Variants in PTPRT observed in about 807,000 individuals in gnomAD.
PTPRT encodes the protein receptor-type tyrosine-protein phosphatase T.
Under a neutral mutation model 176.8 loss-of-function variants are expected in PTPRT, and 56 were observed. The ratio of observed to expected loss-of-function variants is 0.32; its 90% CI spans 0.26 to 0.40. The LOEUF (loss-of-function observed/expected upper bound fraction) is 0.40. Among genes scored for constraint, PTPRT ranks in the 10% least tolerant of loss-of-function variants. The pLI is 1.00. For missense variants in PTPRT, 1,540 were observed against 1,908.2 expected, an observed-to-expected ratio of 0.81 and a Z score of 3.60; for synonymous variants, 783 against 739.0, an observed-to-expected ratio of 1.06 and a Z score of -0.96.
intron 1 of PTPRT, among the ~76,000 whole-genome samples, chr20:42,947,225 A>G (rs1450307328): frequency 6.6e-6 from 1 of 152,192 alleles, no homozygotes; most frequent in African/African-American, 2.4e-5. Context: ...AGAGATAAAG[A>G]AATTTGGAAT....
intron 9 of PTPRT, among the ~76,000 whole-genome samples, chr20:42,391,311 G>A (rs1052916211): frequency 2.0e-5 from 3 of 152,310 alleles, no homozygotes; most frequent in African/African-American, 7.2e-5. Flanking sequence ...AGAGGGGCAT[G>A]GCTTGATTCT....
rs956451753 is a variant in PTPRT, at chr20:42,085,730, G to A, written c.3970C>T (p.Arg1324Trp). ...AGCAATGGCGGCCGTGTACTTACCC[G>A]GGCCATGTTACAGATGCGGAATATT... is the stretch of plus-strand genomic sequence containing the variant. ...HRIFRICNMA[R>W]PQDGYRIVQH... Residue 1324 changes from arginine to tryptophan, a missense_variant and splice_region_variant, in exon 28 of 31, where the codon CGG becomes TGG. This residue lies in a region of PTPRT where 342 missense variants were observed against 394.0 expected (regional missense o/e 0.87). Transcript: ENST00000373187. 1 of 1,613,704 alleles carries A rather than the reference G, an allele frequency of 6.2e-7. No homozygotes were observed.
Position 42,499,625 on chromosome 20 carries a change from T to G in PTPRT, c.1154-27063A>C, listed in dbSNP as rs565150816. Among the ~76,000 whole-genome samples the G allele has an allele frequency of 2.1e-4, 32 of 152,232 alleles. No individual in the cohort carries two copies. The South Asian group carries it at 5.4e-3, about 26-fold the overall frequency. On this transcript the variant is annotated intron_variant, in intron 7 of 30. Coordinates refer to ENST00000373187, the MANE Select transcript of PTPRT (RefSeq NM_007050.6). ...TTTTAATAACAGATTTTAGAATATT[T>G]TATGGTAGCAAATGATAAAATAGAC...
chr20:42,146,076 C>A (rs1451733069), intron 17 of PTPRT, among the ~76,000 whole-genome samples: 1 of 152,192 alleles, frequency 6.6e-6, no homozygotes, highest in Non-Finnish European at 1.5e-5. Flanking sequence ...TAGGCCATCT[C>A]TAGGTGGAAG....
chr20:42,282,500 A>G lies in PTPRT; in HGVS notation c.2165T>C (p.Leu722Pro). The change falls in exon 13 of 31, where the codon CTG (leucine) becomes CCG (proline). Residue 722 changes from leucine (L) to proline (P), a missense_variant. This residue lies in a region of PTPRT where 255 missense variants were observed against 250.1 expected (regional missense o/e 1.02). Coordinates refer to ENST00000373187, the MANE Select transcript of PTPRT (RefSeq NM_007050.6). Reference protein sequence around the residue: ...NGETKINCVRLATKGASTQNS... With the variant: ...NGETKINCVRPATKGASTQNS... ...AGATGCCAACATACCTTTTGTAGCC[A>G]GACGAACACAGTTGATTTTGGTCTC... 2 of 1,611,110 alleles carry G rather than the reference A, an allele frequency of 1.2e-6. No individual in the cohort carries two copies. The highest frequency in any genetic ancestry group is 1.7e-6 in the Non-Finnish European group (2 of 1,178,280).
intron 1 of PTPRT, among the ~76,000 whole-genome samples, chr20:43,188,417 G>A (rs1318635872): frequency 6.6e-6 from 1 of 152,210 alleles, no homozygotes; most frequent in Admixed American, 6.5e-5. Context: ...AGGCTCTAAA[G>A]CATTTCCAAC....
chr20:42,186,946 C>T (rs1014698963), intron 16 of PTPRT, among the ~76,000 whole-genome samples: 3 of 152,106 alleles, frequency 2.0e-5, no homozygotes, highest in Non-Finnish European at 4.4e-5. Context: ...CAAGATTAAT[C>T]TATGTTACAT....
intron 15 of PTPRT, among the ~76,000 whole-genome samples, chr20:42,223,187 T>C (rs2055924998): frequency 1.3e-5 from 2 of 152,180 alleles, no homozygotes; most frequent in African/African-American, 2.4e-5. Context: ...CAGAGTAATA[T>C]AAAACATAAA....
At chr20:42,472,241 A>C in intron 8 of PTPRT, 25 bp downstream of exon 8, 1 of 1,606,002 alleles carries the variant, frequency 6.2e-7, no homozygotes, top group Non-Finnish European at 8.5e-7. Flanking sequence ...CCCCATTCCC[A>C]TGTAAGCTCT....
intron 19 of PTPRT, among the ~76,000 whole-genome samples, chr20:42,121,561 C>T (rs1412404199): frequency 1.3e-5 from 2 of 152,092 alleles, no homozygotes; most frequent in Non-Finnish European, 2.9e-5. Context: ...TGAACGCTGG[C>T]TCTGTCCCTT....
At chr20:43,104,910 A>G (rs541007885) in intron 1 of PTPRT, among the ~76,000 whole-genome samples, 1 of 152,254 alleles carries the variant, frequency 6.6e-6, no homozygotes, top group South Asian at 2.1e-4. Flanking sequence ...CTTAATTACA[A>G]CCTATCTCAA....
intron 1 of PTPRT, among the ~76,000 whole-genome samples, chr20:43,065,037 C>G (rs1987630225): frequency 6.6e-6 from 1 of 152,170 alleles, no homozygotes; most frequent in African/African-American, 2.4e-5. Flanking sequence ...TTCCTCTCTT[C>G]CAACCCACAC....
intron 7 of PTPRT, among the ~76,000 whole-genome samples, chr20:42,507,969 C>T (rs1415469566): frequency 6.6e-6 from 1 of 151,802 alleles, no homozygotes; most frequent in Non-Finnish European, 1.5e-5. Flanking sequence ...TGGTGTGCCT[C>T]TTGATGCAGC....
chr20:42,744,783 G>A (rs565967137), intron 6 of PTPRT, among the ~76,000 whole-genome samples: 1 of 152,160 alleles, frequency 6.6e-6, no homozygotes, highest in South Asian at 2.1e-4. Flanking sequence ...TAACCAAAGA[G>A]GGGGGTGAGC....
At chr20:42,591,832 A>G (rs750774769) in intron 7 of PTPRT, among the ~76,000 whole-genome samples, 5 of 152,116 alleles carry the variant, frequency 3.3e-5, no homozygotes, top group Non-Finnish European at 5.9e-5. Flanking sequence ...CACAATGACC[A>G]TGGCTTCAGA....
rs147178603 is a variant in PTPRT, at chr20:42,956,949, C to A, written c.89-71017G>T. ...GCATTCAACTCACCAACCACCCCAG[C>A]GCCCAAGTCACCTGGATCTAAACCA... On this transcript the variant is annotated intron_variant, in intron 1 of 30. Coordinates refer to ENST00000373187, the MANE Select transcript of PTPRT (RefSeq NM_007050.6). Among the ~76,000 whole-genome samples the A allele has an allele frequency of 1.1e-3, 173 of 152,280 alleles. No homozygotes were observed. In the East Asian group the frequency reaches 0.03, roughly 26 times the overall value.
intron 2 of PTPRT, among the ~76,000 whole-genome samples, chr20:42,816,327 G>T (rs1258750596): frequency 6.6e-6 from 1 of 152,186 alleles, no homozygotes; most frequent in African/African-American, 2.4e-5. Context: ...CTCGAGTCCA[G>T]CAGAAAAGGA....
chr20:42,636,669 T>G (rs896512357), intron 7 of PTPRT, among the ~76,000 whole-genome samples: 1 of 151,936 alleles, frequency 6.6e-6, no homozygotes, highest in African/African-American at 2.4e-5. Context: ...CTTGTAATCT[T>G]AGCTACTCAG....
At chr20:42,169,548 A>G (rs995455628) in intron 16 of PTPRT, among the ~76,000 whole-genome samples, 1 of 152,090 alleles carries the variant, frequency 6.6e-6, no homozygotes. Flanking sequence ...GATTCCAACA[A>G]TAACTAGTTG....
Sources: allele counts gnomAD v4.1 joint callset (sites outside exome capture counted in the v4.1 genomes callset), GRCh38; gene constraint gnomAD v4.1.1; regional missense constraint gnomAD v4.1.1; transcripts MANE v1.5; gene names NCBI Gene and HGNC (gene_info 2026-07-23, HGNC 2026-07-21).